Variants in CYP4F12 observed in about 807,000 individuals in gnomAD.
The protein encoded by CYP4F12 is cytochrome P450 4F12.
A neutral mutation model predicts 56.5 loss-of-function variants in CYP4F12; 60 were observed. That is an observed-to-expected ratio of 1.06 (90% CI 0.86 to 1.32). The LOEUF (loss-of-function observed/expected upper bound fraction) is 1.32, where lower values mean the gene tolerates loss of function less well. Ranked by LOEUF, CYP4F12 falls within the 40% of genes most tolerant of loss-of-function variation. The pLI, the probability that CYP4F12 is intolerant of heterozygous loss-of-function variation, is 0.00. For missense variants in CYP4F12, 711 were observed against 683.5 expected, an observed-to-expected ratio of 1.04 and a Z score of -0.45; for synonymous variants, 263 against 264.9, an observed-to-expected ratio of 0.99 and a Z score of 0.07.
intron 3 of CYP4F12, among the ~76,000 whole-genome samples, chr19:15,679,837 C>G (rs1264077251): frequency 6.6e-6 from 1 of 152,222 alleles, no homozygotes; most frequent in East Asian, 1.9e-4. Context: ...TAAACCCTAT[C>G]TGGGGCCTGT....
intron 2 of CYP4F12, among the ~76,000 whole-genome samples, chr19:15,674,686 T>TTTCA (rs1568412351): frequency 3.1e-4 from 47 of 151,894 alleles, no homozygotes; most frequent in South Asian, 1.5e-3. Flanking sequence ...CACTCATTCC[T>TTTCA]CTCCTCATTC....
At chr19:15,695,292 G>A (rs2008068085) in intron 9 of CYP4F12, among the ~76,000 whole-genome samples, 2 of 140,090 alleles carry the variant, frequency 1.4e-5, no homozygotes, top group Admixed American at 8.0e-5. Flanking sequence ...TCATAGGTGG[G>A]AATTGAACAA....
chr19:15,696,799 T>C (rs2008163586), intron 12 of CYP4F12, 109 bp from the exon 13 acceptor site: 3 of 1,390,092 alleles, frequency 2.2e-6, no homozygotes, highest in African/African-American at 2.9e-5. Flanking sequence ...TTTCTCTCTC[T>C]CTCTCAGGCT....
intron 9 of CYP4F12, among the ~76,000 whole-genome samples, chr19:15,690,287 A>C (rs2007812251): frequency 6.6e-6 from 1 of 152,240 alleles, no homozygotes; most frequent in South Asian, 2.1e-4. Flanking sequence ...GGAATGATTA[A>C]GTCAATTTAA....
rs1298126753 is a variant in CYP4F12 at position 15,680,304 on chromosome 19, A to G, written c.397+7A>G. 4 of 1,612,602 alleles carry G rather than the reference A, an allele frequency of 2.5e-6. No homozygotes were observed. Among genetic ancestry groups the G allele is most frequent in the Non-Finnish European group, 2.5e-6 (3 of 1,179,120 alleles). On this transcript the variant is annotated splice_region_variant and intron_variant, in intron 4 of 12. Transcript: ENST00000550308. ...TTCCTGAAGCCCTGGCTGGGTGAGT[A>G]CCTGCAGGTGAAAGGGGTTGGGGAC...
intron 9 of CYP4F12, 53 bp from the exon 10 acceptor site, chr19:15,695,883 A>C: frequency 6.4e-7 from 1 of 1,564,216 alleles, no homozygotes; most frequent in Non-Finnish European, 8.6e-7. Flanking sequence ...GAAAAGGTGG[A>C]GAGTTGTGTA....
In CYP4F12 at chr19:15,678,230, C is replaced by T. The variant is rs761648425; in HGVS notation, c.199-31C>T. The T allele has an allele frequency of 4.3e-6, 7 of 1,613,692 alleles. No individual in the cohort carries two copies. The South Asian group carries it at 7.7e-5, about 18-fold the overall frequency. ...AGTGGACACCTAAAATTAACCATCA[C>T]AGGAAGTGACAGCCCTTGACTTGCT... On this transcript the variant is annotated intron_variant, in intron 2 of 12. Transcript: ENST00000550308.
At chr19:15,680,788 T>C in intron 5 of CYP4F12, 1 of 485,844 alleles carries the variant, frequency 2.1e-6, no homozygotes, top group East Asian at 4.3e-5. Context: ...GAAGATTGTG[T>C]AGTAGTCATT....
intron 2 of CYP4F12, among the ~76,000 whole-genome samples, chr19:15,675,987 C>G (rs568154044): frequency 1.5e-4 from 23 of 152,260 alleles, no homozygotes; most frequent in Non-Finnish European, 2.8e-4. Flanking sequence ...ATATCATCTG[C>G]AAGCCAGAAA....
intron 9 of CYP4F12, among the ~76,000 whole-genome samples, chr19:15,685,622 T>C (rs1403237616): frequency 6.6e-6 from 1 of 152,150 alleles, no homozygotes; most frequent in African/African-American, 2.4e-5. Context: ...AGGCAGAACT[T>C]GGTATCCAAC....
rs779479488 is a variant in CYP4F12 at position 15,673,589 on chromosome 19, ACTC to A, written c.63_65del (p.Leu24del). 1 of 1,613,644 alleles carries A rather than the reference ACTC, an allele frequency of 6.2e-7. No homozygotes were observed. Among genetic ancestry groups the A allele is most frequent in the East Asian group, 2.2e-5 (1 of 44,830 alleles). ...GACCGGTGGCAACGTCCCCATGGCTACTCCTGCTGCTGGTTGTGGGCTCCTGGC... is the reference window on the plus strand; with the variant it reads ...GACCGGTGGCAACGTCCCCATGGCTACTGCTGCTGGTTGTGGGCTCCTGGC... On this transcript the variant is annotated inframe_deletion, in exon 2 of 13. Transcript: ENST00000550308.
chr19:15,676,474 C>A lies in CYP4F12; in HGVS notation c.199-1787C>A. Among the ~76,000 whole-genome samples, 4 of 22,260 alleles carry A rather than the reference C, an allele frequency of 1.8e-4. 1 individual carries two copies. Among genetic ancestry groups the A allele is most frequent in the Non-Finnish European group, 3.6e-4 (4 of 11,116 alleles). The allele number at this position is 22,260 out of a possible 152,430, so 14.6% of individuals were successfully genotyped here. A position where few individuals can be genotyped will look rare whatever the true frequency, so the allele number is the denominator to read the frequency against. On this transcript the variant is annotated intron_variant, in intron 2 of 12. Transcript: ENST00000550308. ...CTCCTCATTCAGTCATTCCTGTCCT[C>A]ACTCACTCATTCCTTTTCTCACTCA...
rs115025399 is a variant in CYP4F12, at chr19:15,673,479, G to A, written c.-1-50G>A. On this transcript the variant is annotated intron_variant, in intron 1 of 12. Coordinates refer to ENST00000550308, the MANE Select transcript of CYP4F12 (RefSeq NM_023944.4). ...TTCGCCCCTATACACTGTCCCCGGA[G>A]CTCTTCCCTGGGCCTCAGGTCCTCA... is the stretch of plus-strand genomic sequence containing the variant. 1.3e-3 allele frequency: 2,061 copies of A among 1,574,620 alleles called. 28 individuals are homozygous for A. In the African/African-American group the frequency reaches 0.023, roughly 18 times the overall value.
At chr19:15,689,996 G>A (rs1406063853) in intron 9 of CYP4F12, among the ~76,000 whole-genome samples, 1 of 151,950 alleles carries the variant, frequency 6.6e-6, no homozygotes, top group Non-Finnish European at 1.5e-5. Flanking sequence ...TGCATATTGG[G>A]GACAGTATAC....
chr19:15,684,735 G>T, intron 7 of CYP4F12, 81 bp from the exon 8 acceptor site: 1 of 1,376,904 alleles, frequency 7.3e-7, no homozygotes, highest in East Asian at 2.3e-5. Flanking sequence ...TTAGACTCCG[G>T]AGTCTCAGAG....
chr19:15,678,186 G>A (rs28523893), intron 2 of CYP4F12, 75 bp from the exon 3 acceptor site: 428,151 of 1,569,954 alleles, frequency 0.27, 65,570 homozygotes, highest in East Asian at 0.7. Flanking sequence ...GGCTATCTGG[G>A]CATCCCTTAG....
intron 9 of CYP4F12, among the ~76,000 whole-genome samples, chr19:15,695,502 A>AT (rs1568426820): frequency 0.021 from 2,089 of 99,768 alleles, no homozygotes; most frequent in African/African-American, 0.075. Context: ...TATAATAATA[A>AT]TAAAAAAAAA....
chr19:15,681,144 A>C (rs1315459224), intron 5 of CYP4F12: 2 of 164,328 alleles, frequency 1.2e-5, no homozygotes, highest in Non-Finnish European at 2.7e-5. Flanking sequence ...TGTCTCTGCA[A>C]TACTTCAAAG....
intron 11 of CYP4F12, 28 bp from the exon 12 acceptor site, chr19:15,696,401 CT>C: frequency 1.2e-6 from 2 of 1,614,022 alleles, no homozygotes; most frequent in South Asian, 2.2e-5. Context: ...GGAAATCCCA[CT>C]GGCAAACCTT....
Sources: gnomAD v4.1 joint callset for allele counts (sites outside exome capture counted in the v4.1 genomes callset) on GRCh38, gnomAD v4.1.1 for gene constraint, MANE v1.5 for transcripts, NCBI Gene and HGNC (gene_info 2026-07-23, HGNC 2026-07-21) for gene names.